CLEC2A: variants seen among roughly 807,000 people sequenced by gnomAD.
CLEC2A encodes C-type lectin domain family 2 member A, also known as keratinocyte-associated C-type lectin.
CLEC2A carries 19 observed loss-of-function variants against 18.6 expected under a neutral mutation model. The observed-to-expected ratio is 1.02, with a 90% CI of 0.71 to 1.50. CLEC2A has a LOEUF of 1.50. CLEC2A is among the 40% of genes most tolerant of loss of function. The probability of loss-of-function intolerance (pLI) is 0.00; values close to 1 mark genes in which losing one functional copy is unlikely to be tolerated. For missense variants in CLEC2A, 190 were observed against 207.9 expected, an observed-to-expected ratio of 0.91 and a Z score of 0.53; for synonymous variants, 74 against 64.0, an observed-to-expected ratio of 1.16 and a Z score of -0.75.
downstream of CLEC2A, among the ~76,000 whole-genome samples, chr12:9,911,331 C>T (rs765033132): frequency 2.6e-5 from 4 of 152,100 alleles, no homozygotes; most frequent in Non-Finnish European, 5.9e-5. Context: ...GAAGAGAGTA[C>T]AAGAAGGTTG....
intron 4 of CLEC2A, among the ~76,000 whole-genome samples, chr12:9,914,075 A>T (rs1282656520): frequency 6.6e-6 from 1 of 152,240 alleles, no homozygotes; most frequent in Non-Finnish European, 1.5e-5. Context: ...GAAATTAAAA[A>T]AATTCAGTTT....
At chr12:9,915,157 A>G (rs543740566) in intron 4 of CLEC2A, among the ~76,000 whole-genome samples, 66 of 152,288 alleles carry the variant, frequency 4.3e-4, no homozygotes, top group African/African-American at 1.5e-3. Context: ...ATGAGATACC[A>G]TCTCATGCCA....
intron 4 of CLEC2A, among the ~76,000 whole-genome samples, chr12:9,899,351 T>C (rs1269869181): frequency 6.6e-6 from 1 of 152,054 alleles, no homozygotes; most frequent in Non-Finnish European, 1.5e-5. Context: ...TCCCGTAGTA[T>C]GGAGACACAA....
intron 2 of CLEC2A, 22 bp downstream of exon 2, chr12:9,926,238 G>A (rs1863269556): frequency 7.3e-7 from 1 of 1,364,466 alleles, no homozygotes; most frequent in African/African-American, 1.4e-5. Flanking sequence ...ACCATAGAAA[G>A]TGTATGAATT....
chr12:9,911,506 T>TA (rs937418371), downstream of CLEC2A, among the ~76,000 whole-genome samples: 3 of 152,338 alleles, frequency 2.0e-5, no homozygotes, highest in African/African-American at 7.2e-5. Context: ...AAGTAGTTTA[T>TA]AACCTTAAAA....
intron 1 of CLEC2A, 124 bp from the exon 2 acceptor site, chr12:9,926,467 A>G: frequency 1.5e-6 from 1 of 647,192 alleles, no homozygotes; most frequent in South Asian, 1.9e-5. Flanking sequence ...ATACATCTCA[A>G]AATAACAAAG....
downstream of CLEC2A, among the ~76,000 whole-genome samples, chr12:9,910,875 C>G (rs1334108487): frequency 1.3e-5 from 2 of 152,012 alleles, no homozygotes; most frequent in Admixed American, 6.6e-5. Context: ...GGACCCTTCC[C>G]CAGAGGAGAA....
intron 1 of CLEC2A, among the ~76,000 whole-genome samples, chr12:9,927,185 A>C (rs1249689374): frequency 6.6e-6 from 1 of 152,228 alleles, no homozygotes; most frequent in Non-Finnish European, 1.5e-5. Context: ...CACCTAGGCT[A>C]TATATTACAG....
the CLEC2A span, among the ~76,000 whole-genome samples, chr12:9,886,813 T>TC: frequency 3.5e-5 from 5 of 143,824 alleles, no homozygotes; most frequent in Non-Finnish European, 7.6e-5. Context: ...CAGTGAGATA[T>TC]ATAGATAGAG....
the CLEC2A span, among the ~76,000 whole-genome samples, chr12:9,879,460 T>A: frequency 6.6e-6 from 1 of 152,194 alleles, no homozygotes; most frequent in Non-Finnish European, 1.5e-5. Context: ...CTTCAGTCAT[T>A]TTCTTGAATG....
chr12:9,923,702 G>T (rs1256328734), intron 2 of CLEC2A, among the ~76,000 whole-genome samples: 1 of 152,152 alleles, frequency 6.6e-6, no homozygotes, highest in Non-Finnish European at 1.5e-5. Context: ...TGATAGACTG[G>T]ATTAAGAAAA....
At chr12:9,905,479 T>G (rs999552632) in intron 4 of CLEC2A, among the ~76,000 whole-genome samples, 2 of 152,176 alleles carry the variant, frequency 1.3e-5, no homozygotes, top group Non-Finnish European at 2.9e-5. Flanking sequence ...GTTTCAAACA[T>G]AGGAATATCA....
At chr12:9,931,916 T>C (rs1863381406) in intron 1 of CLEC2A, among the ~76,000 whole-genome samples, 1 of 152,250 alleles carries the variant, frequency 6.6e-6, no homozygotes, top group East Asian at 1.9e-4. Flanking sequence ...TTCAGTCTTA[T>C]GAAGTCACAA....
intron 4 of CLEC2A, among the ~76,000 whole-genome samples, chr12:9,901,488 C>T (rs1862828952): frequency 6.6e-6 from 1 of 151,986 alleles, no homozygotes. Context: ...TATAGAAATC[C>T]CATACAATTT....
downstream of CLEC2A, among the ~76,000 whole-genome samples, chr12:9,894,031 T>C (rs1862721048): frequency 6.6e-6 from 1 of 151,970 alleles, no homozygotes; most frequent in African/African-American, 2.4e-5. Flanking sequence ...TCTTTTCTTC[T>C]CTTTCTTTTT....
intron 4 of CLEC2A, among the ~76,000 whole-genome samples, chr12:9,901,125 G>T (rs777842419): frequency 3.4e-4 from 52 of 152,140 alleles, no homozygotes; most frequent in Non-Finnish European, 6.0e-4. Context: ...GGTTAAAAAG[G>T]TTGCTTCAGC....
intron 3 of CLEC2A, among the ~76,000 whole-genome samples, chr12:9,917,675 A>T (rs1347454452): frequency 6.6e-6 from 1 of 152,328 alleles, no homozygotes; most frequent in East Asian, 1.9e-4. Flanking sequence ...TCTTTGAGGA[A>T]TTGCCACACT....
chr12:9,930,713 A>G (rs1044633426), intron 1 of CLEC2A, among the ~76,000 whole-genome samples: 5 of 152,052 alleles, frequency 3.3e-5, no homozygotes, highest in Admixed American at 2.6e-4. Flanking sequence ...TTATTTCTTC[A>G]AATATTTCCT....
chr12:9,882,695 C>T, the CLEC2A span, among the ~76,000 whole-genome samples: 8 of 152,070 alleles, frequency 5.3e-5, no homozygotes, highest in Non-Finnish European at 1.2e-4. Flanking sequence ...GCAGGAGAAT[C>T]GCTTGAACCC....
Sources: gnomAD v4.1 joint callset for allele counts (sites outside exome capture counted in the v4.1 genomes callset) on GRCh38, gnomAD v4.1.1 for gene constraint, MANE v1.5 for transcripts, NCBI Gene and HGNC (gene_info 2026-07-23, HGNC 2026-07-21) for gene names.